The following ZFPM1 variants were observed in gnomAD, a reference collection of about 807,000 sequenced individuals.
ZFPM1 encodes zinc finger protein ZFPM1.
In ZFPM1, 28 loss-of-function variants were observed where a neutral mutation model predicts 46.3. That is an observed-to-expected ratio of 0.60 (90% confidence interval 0.45 to 0.83). ZFPM1 has a LOEUF of 0.83. ZFPM1 is among the 40% of genes least tolerant of loss of function. ZFPM1 has a pLI of 0.00. For synonymous variants in ZFPM1, 957 were observed against 675.9 expected (o/e 1.42, Z -6.45); for missense variants, 1,878 against 1,432.4 (o/e 1.31, Z -5.02).
rs771281328 is a variant in ZFPM1, at chr16:88,533,676, C to G, written c.1718C>G (p.Ala573Gly). 5 of 1,488,674 alleles carry G rather than the reference C, an allele frequency of 3.4e-6. No individual in the cohort carries two copies. Among genetic ancestry groups the G allele is most frequent in the East Asian group, 2.9e-5 (1 of 35,030 alleles). 92.2% of individuals were successfully genotyped at this position (1,488,674 alleles called of 1,614,324 possible). A position where few individuals can be genotyped will look rare whatever the true frequency, so the allele number is the denominator to read the frequency against. The part of the protein sequence containing the change: ...GGAQTGLFPG[A>G]PKGATCFECE... The stretch of plus-strand genomic sequence containing the variant: ...GCGCAGACCGGGCTCTTCCCCGGGG[C>G]CCCCAAGGGCGCTACGTGCTTCGAG... The change falls in exon 10 of 10, where the codon GCC becomes GGC. Residue 573 changes from alanine to glycine, a missense_variant. Coordinates refer to ENST00000319555, the MANE Select transcript of ZFPM1 (RefSeq NM_153813.3).
Position 88,467,447 on chromosome 16 carries a change from G to T in ZFPM1, c.40+13769G>T, listed in dbSNP as rs376411046. 1.5e-3 allele frequency among the ~76,000 whole-genome samples: 223 copies of T among 152,332 alleles called. 1 individual carries two copies. The highest frequency in any genetic ancestry group is 5.1e-3 in the African/African-American group (213 of 41,568). ...GCCCACCCAGGGCTTCTCGAGGAAG[G>T]AGCTCAGCACCCGCCCCAGTGACAC... On this transcript the variant is annotated intron_variant, in intron 1 of 9. Transcript: ENST00000319555.
chr16:88,529,777 C>A (rs1912638397), intron 6 of ZFPM1, among the ~76,000 whole-genome samples: 1 of 152,204 alleles, frequency 6.6e-6, no homozygotes, highest in East Asian at 1.9e-4. Flanking sequence ...ATGACCCTGA[C>A]CGAGGCCGCT....
intron 4 of ZFPM1, among the ~76,000 whole-genome samples, chr16:88,515,100 A>G (rs529438524): frequency 6.6e-6 from 1 of 152,310 alleles, no homozygotes; most frequent in South Asian, 2.1e-4. Flanking sequence ...CCAACTTATG[A>G]CAAGTCAGTT....
Position 88,485,974 on chromosome 16 carries a change from C to T in ZFPM1, c.76C>T (p.Gln26Ter), listed in dbSNP as rs1489260728. 1.2e-6 allele frequency: 2 copies of T among 1,612,854 alleles called. No homozygotes were observed. Among genetic ancestry groups the T allele is most frequent in the Non-Finnish European group, 1.7e-6 (2 of 1,179,918 alleles). The change falls in exon 2 of 10, where the codon CAG becomes TAG. Residue 26 changes from glutamine (Q) to a stop codon, truncating the protein, a stop_gained. Coordinates refer to ENST00000319555, the MANE Select transcript of ZFPM1 (RefSeq NM_153813.3). LOFTEE classifies it high-confidence loss of function. ...AGACATGGAGGCCAGAGAGGAGGTGCAGTTGGTGGGTGCCAGCCACATGGA... is the reference window on the plus strand; with the variant it reads ...AGACATGGAGGCCAGAGAGGAGGTGTAGTTGGTGGGTGCCAGCCACATGGA... ...LGDMEAREEVQLVGASHMEQK... is the reference protein window; with the variant it reads ...LGDMEAREEV
intron 4 of ZFPM1, among the ~76,000 whole-genome samples, chr16:88,521,003 G>A (rs1911835632): frequency 8.3e-6 from 1 of 120,588 alleles, no homozygotes; most frequent in African/African-American, 3.2e-5. Context: ...AGGGTGGGTG[G>A]GTGGATGGAT....
intron 1 of ZFPM1, among the ~76,000 whole-genome samples, chr16:88,481,853 C>T (rs1163812285): frequency 1.3e-5 from 2 of 152,222 alleles, no homozygotes; most frequent in African/African-American, 4.8e-5. Flanking sequence ...CCAGTCTTAA[C>T]CATTCACACC....
intron 4 of ZFPM1, among the ~76,000 whole-genome samples, chr16:88,524,818 C>G (rs1912186746): frequency 6.6e-6 from 1 of 152,214 alleles, no homozygotes; most frequent in Non-Finnish European, 1.5e-5. Flanking sequence ...TCTGTCCCCC[C>G]AACAGCCATG....
Position 88,534,861 on chromosome 16 carries a change from T to G in ZFPM1, c.2903T>G (p.Leu968Arg). Residue 968 changes from leucine (L) to arginine (R), a missense_variant, in exon 10 of 10, where the codon CTG becomes CGG. By Grantham distance (102) the Leu-to-Arg change is moderately radical (BLOSUM62 -2). Coordinates refer to ENST00000319555, the MANE Select transcript of ZFPM1 (RefSeq NM_153813.3). ...CCCAGCAAGGGCACGCCGGCGCCGC[T>G]GCCCAACGGCAACCACCGGTACTGC... ...QTPSKGTPAP[L>R]PNGNHRYCRL... 1 of 1,565,496 alleles carries G rather than the reference T, an allele frequency of 6.4e-7. No individual in the cohort carries two copies. Among genetic ancestry groups the G allele is most frequent in the Non-Finnish European group, 8.6e-7 (1 of 1,162,122 alleles).
chr16:88,453,827 C>G (rs1480912847), intron 1 of ZFPM1, 149 bp downstream of exon 1: 1 of 432,124 alleles, frequency 2.3e-6, no homozygotes, highest in Non-Finnish European at 3.1e-6. Context: ...CCAAGCGCGC[C>G]GTAATCTAAT....
intron 9 of ZFPM1, 61 bp from the exon 10 acceptor site, chr16:88,533,087 A>C: frequency 1.0e-6 from 1 of 956,912 alleles, no homozygotes. Flanking sequence ...CTCGCCCTCC[A>C]GCTCTGACCG....
chr16:88,451,835 A>G (rs919269159), upstream of ZFPM1, among the ~76,000 whole-genome samples: 4 of 151,884 alleles, frequency 2.6e-5, no homozygotes, highest in Admixed American at 6.6e-5. Flanking sequence ...TCCTGGTCTC[A>G]GTGTTCCTGT....
intron 3 of ZFPM1, among the ~76,000 whole-genome samples, chr16:88,490,908 AGGC>A: frequency 6.6e-6 from 1 of 152,280 alleles, no homozygotes; most frequent in Non-Finnish European, 1.5e-5. Context: ...TGGGGGTTCC[AGGC>A]GCCATGGTAG....
chr16:88,475,519 G>T (rs938869073), intron 1 of ZFPM1, among the ~76,000 whole-genome samples: 2 of 150,548 alleles, frequency 1.3e-5, no homozygotes, highest in African/African-American at 5.0e-5. Flanking sequence ...GGTCCGGGGG[G>T]GGGAGCACAG....
At chr16:88,502,490 T>A (rs1247473139) in intron 3 of ZFPM1, among the ~76,000 whole-genome samples, 1 of 152,176 alleles carries the variant, frequency 6.6e-6, no homozygotes, top group African/African-American at 2.4e-5. Flanking sequence ...GGACAGGGTC[T>A]TTGGCCCCAG....
At chr16:88,519,149 G>C (rs1911606989) in intron 4 of ZFPM1, among the ~76,000 whole-genome samples, 1 of 134,204 alleles carries the variant, frequency 7.5e-6, no homozygotes, top group African/African-American at 2.7e-5. Flanking sequence ...TGGATGGATG[G>C]ATGATGGGTG....
intron 1 of ZFPM1, among the ~76,000 whole-genome samples, chr16:88,472,622 G>A (rs1203570969): frequency 6.6e-6 from 1 of 152,146 alleles, no homozygotes. Flanking sequence ...AAAGTGCTGG[G>A]ATTACAAGCG....
At chr16:88,527,682 C>T (rs761838000) in intron 5 of ZFPM1, among the ~76,000 whole-genome samples, 36 of 152,032 alleles carry the variant, frequency 2.4e-4, no homozygotes, top group African/African-American at 5.3e-4. Context: ...CCTGGAGAGC[C>T]GGGTCCACTC....
rs923174261 is a variant in ZFPM1, at chr16:88,534,130, T to G, written c.2172T>G (p.Pro724=). 21 of 994,592 alleles carry G rather than the reference T, an allele frequency of 2.1e-5. No homozygotes were observed. The African/African-American group carries it at 3.3e-4, about 16-fold the overall frequency. 61.6% of individuals were successfully genotyped at this position (994,592 alleles called of 1,614,324 possible). ...PRRPAAPPGP[P]GPAAPPAPSP... is the part of the protein sequence containing the mutation. ...GACCGGCCGCGCCCCCGGGACCCCCTGGGCCGGCCGCGCCCCCGGCCCCCT... is the reference window on the plus strand; with the variant it reads ...GACCGGCCGCGCCCCCGGGACCCCCGGGGCCGGCCGCGCCCCCGGCCCCCT... Residue 724 remains proline, a synonymous_variant, in exon 10 of 10, where the codon CCT becomes CCG. Coordinates refer to ENST00000319555, the MANE Select transcript of ZFPM1 (RefSeq NM_153813.3).
intron 1 of ZFPM1, among the ~76,000 whole-genome samples, chr16:88,468,526 T>C (rs2142351187): frequency 6.6e-6 from 1 of 152,124 alleles, no homozygotes; most frequent in South Asian, 2.1e-4. Context: ...CCAGTATCTT[T>C]CCCACTCAGA....
Sources: allele counts gnomAD v4.1 joint callset (sites outside exome capture counted in the v4.1 genomes callset), GRCh38; gene constraint gnomAD v4.1.1; transcripts MANE v1.5; gene names NCBI Gene and HGNC (gene_info 2026-07-23, HGNC 2026-07-21).